EML1: variants seen among roughly 807,000 people sequenced by gnomAD.
EML1 encodes the protein echinoderm microtubule-associated protein-like 1.
EML1 carries 27 observed loss-of-function variants against 110.4 expected under a neutral mutation model. The ratio of observed to expected loss-of-function variants is 0.24; its 90% CI spans 0.18 to 0.34. The LOEUF is 0.34. Among genes scored for constraint, EML1 ranks in the 10% least tolerant of loss-of-function variants. The probability of loss-of-function intolerance (pLI) is 1.00; values close to 1 mark genes in which losing one functional copy is unlikely to be tolerated. For synonymous variants in EML1, 344 were observed against 385.8 expected, an observed-to-expected ratio of 0.89 and a Z score of 1.27; for missense variants, 741 against 1,030.9, an observed-to-expected ratio of 0.72 and a Z score of 3.85.
upstream of EML1, among the ~76,000 whole-genome samples, chr14:99,772,117 G>C (rs948909044): frequency 1.3e-5 from 2 of 152,188 alleles, no homozygotes; most frequent in Non-Finnish European, 2.9e-5. Context: ...TGATTGTTCT[G>C]TGTTGTACAC....
At chr14:99,743,274 C>T (rs1490323364) in intron 1 of EML1, among the ~76,000 whole-genome samples, 1 of 152,154 alleles carries the variant, frequency 6.6e-6, no homozygotes, top group African/African-American at 2.4e-5. Context: ...CCTACTTGTC[C>T]CATCGTCCAG....
intron 2 of EML1, among the ~76,000 whole-genome samples, chr14:99,851,694 TA>T (rs1284275911): frequency 6.6e-6 from 1 of 152,220 alleles, no homozygotes; most frequent in African/African-American, 2.4e-5. Flanking sequence ...GAGGTTGTTC[TA>T]CCTAGCTTTT....
At chr14:99,849,464 G>A (rs2058754316) in intron 1 of EML1, among the ~76,000 whole-genome samples, 3 of 151,364 alleles carry the variant, frequency 2.0e-5, no homozygotes, top group Admixed American at 6.6e-5. Context: ...CATTTATTTT[G>A]CTTAGTCTTT....
chr14:99,941,577 A>C lies in EML1; in HGVS notation c.*1465A>C, dbSNP rs1395598629. 2 of 152,234 alleles carry C rather than the reference A, an allele frequency of 1.3e-5. No individual in the cohort carries two copies. The highest frequency in any genetic ancestry group is 4.8e-5 in the African/African-American group (2 of 41,458). The allele number at this position is 152,234 out of a possible 1,614,324, so 9.4% of individuals were successfully genotyped here. On this transcript the variant is annotated 3_prime_UTR_variant, in exon 22 of 22. Transcript: ENST00000262233. ...TATATTCATGAAAGCATATAAATTA[A>C]AATATTTAAAATTAGATATGATTCA...
At chr14:99,777,280 A>G (rs1181744790) in intron 1 of EML1, among the ~76,000 whole-genome samples, 3 of 152,170 alleles carry the variant, frequency 2.0e-5, no homozygotes, top group African/African-American at 4.8e-5. Context: ...TACAAGGCTT[A>G]AGACAAAGAA....
chr14:99,771,781 C>T (rs1288193214), upstream of EML1, among the ~76,000 whole-genome samples: 2 of 152,180 alleles, frequency 1.3e-5, no homozygotes, highest in African/African-American at 4.8e-5. Flanking sequence ...CACCATACTT[C>T]GGCCTGGGTG....
At chr14:99,893,085 G>A (rs2059614774) in intron 5 of EML1, among the ~76,000 whole-genome samples, 1 of 152,214 alleles carries the variant, frequency 6.6e-6, no homozygotes, top group Admixed American at 6.5e-5. Context: ...CGGTGGCACA[G>A]ACAGGACAGG....
At chr14:99,811,394 T>G (rs2058077054) in intron 1 of EML1, among the ~76,000 whole-genome samples, 1 of 148,520 alleles carries the variant, frequency 6.7e-6, no homozygotes. Flanking sequence ...AACAGCTTAC[T>G]ATTGACCGGA....
intron 1 of EML1, among the ~76,000 whole-genome samples, chr14:99,843,176 C>G (rs2058658728): frequency 6.6e-6 from 1 of 152,126 alleles, no homozygotes; most frequent in Admixed American, 6.5e-5. Context: ...ATTGTTTGAG[C>G]CCAGGTCAAG....
At chr14:99,770,779 AT>A (rs34744469), upstream of EML1, among the ~76,000 whole-genome samples, 1,601 of 91,546 alleles carry the variant, frequency 0.017, 17 homozygotes, top group African/African-American at 0.046. Context: ...GTTTCCGCTG[AT>A]TTTTTTTTTT....
intron 17 of EML1, among the ~76,000 whole-genome samples, chr14:99,922,508 C>T (rs184916127): frequency 1.3e-5 from 2 of 151,992 alleles, no homozygotes; most frequent in African/African-American, 4.8e-5. Flanking sequence ...TTTCATTTCT[C>T]GGGTAAATTC....
intron 3 of EML1, among the ~76,000 whole-genome samples, chr14:99,873,396 C>T (rs913690891): frequency 6.6e-6 from 1 of 152,160 alleles, no homozygotes; most frequent in Admixed American, 6.5e-5. Flanking sequence ...GTGCTGGGTA[C>T]ATAGCGTGAT....
chr14:99,833,651 G>T, intron 1 of EML1, among the ~76,000 whole-genome samples: 1 of 152,122 alleles, frequency 6.6e-6, no homozygotes, highest in South Asian at 2.1e-4. Flanking sequence ...TGTTTATTTA[G>T]GTCTTCTTTG....
chr14:99,756,117 G>T (rs1340954602), intron 1 of EML1, among the ~76,000 whole-genome samples: 1 of 152,226 alleles, frequency 6.6e-6, no homozygotes, highest in Non-Finnish European at 1.5e-5. Flanking sequence ...GTTGTGCTGG[G>T]TGGGGTCACC....
At chr14:99,863,963 A>G (rs909783137) in intron 2 of EML1, among the ~76,000 whole-genome samples, 22 of 152,242 alleles carry the variant, frequency 1.4e-4, no homozygotes, top group African/African-American at 4.8e-4. Flanking sequence ...AAGGAATGAG[A>G]GTTCCTGTTG....
rs1269884830 is a variant in EML1, at chr14:99,742,983, G to A, written c.28+5123G>A. Among the ~76,000 whole-genome samples the A allele has an allele frequency of 2.6e-5, 4 of 152,284 alleles. No individual in the cohort carries two copies. In the East Asian group the frequency reaches 7.7e-4, roughly 29 times the overall value. On this transcript the variant is annotated intron_variant, in intron 1 of 10. Coordinates refer to the EML1 transcript ENST00000554479. ...CACCAAGAAGGACTCAACCTCAGCAGCATCCAGCGACCTCTCACGAGAGGC... is the reference window on the plus strand; with the variant it reads ...CACCAAGAAGGACTCAACCTCAGCAACATCCAGCGACCTCTCACGAGAGGC...
intron 1 of EML1, among the ~76,000 whole-genome samples, chr14:99,786,087 A>G (rs372053772): frequency 0.011 from 1,619 of 151,004 alleles, 24 homozygotes; most frequent in African/African-American, 0.032. Context: ...AAAAAAATCA[A>G]CACACGCTTC....
At chr14:99,862,691 C>G (rs935229479) in intron 2 of EML1, among the ~76,000 whole-genome samples, 1 of 152,148 alleles carries the variant, frequency 6.6e-6, no homozygotes, top group African/African-American at 2.4e-5. Context: ...GACTTGCCCC[C>G]ACCAAAATAG....
intron 6 of EML1, among the ~76,000 whole-genome samples, chr14:99,896,892 A>G (rs1012923958): frequency 3.3e-5 from 5 of 152,222 alleles, no homozygotes; most frequent in African/African-American, 1.2e-4. Context: ...TTGACTCAAT[A>G]GCTTTCTAAA....
Sources: allele counts gnomAD v4.1 joint callset (sites outside exome capture counted in the v4.1 genomes callset), GRCh38; gene constraint gnomAD v4.1.1; transcripts MANE v1.5; gene names NCBI Gene and HGNC (gene_info 2026-07-23, HGNC 2026-07-21).